TEX9: variants seen among roughly 807,000 people sequenced by gnomAD.
TEX9 encodes the protein testis expressed 9.
Under a neutral mutation model 59.6 loss-of-function variants are expected in TEX9, and 74 were observed. The ratio of observed to expected loss-of-function variants is 1.24; its 90% CI spans 1.03 to 1.51. The LOEUF is 1.51. Among genes scored for constraint, TEX9 ranks in the 40% most tolerant of loss-of-function variants. The probability of loss-of-function intolerance (pLI) is 0.00; values close to 1 mark genes in which losing one functional copy is unlikely to be tolerated. For synonymous variants in TEX9, 186 were observed against 152.2 expected (o/e 1.22, Z -1.64); for missense variants, 522 against 447.8 (o/e 1.17, Z -1.49).
At chr15:56,446,941 A>T (rs1199287113), downstream of TEX9, 3 of 1,604,268 alleles carry the variant, frequency 1.9e-6, no homozygotes, top group Admixed American at 5.0e-5. Flanking sequence ...TCTAAGCTCA[A>T]TGCTGTTTAA....
chr15:56,424,335 G>C (rs1024671480), intron 10 of TEX9, among the ~76,000 whole-genome samples: 1 of 152,078 alleles, frequency 6.6e-6, no homozygotes, highest in Non-Finnish European at 1.5e-5. Flanking sequence ...CAAAATTTCA[G>C]ATTATCTTTT....
At chr15:56,278,186 A>G (rs1567071277) in intron 1 of TEX9, among the ~76,000 whole-genome samples, 1 of 152,184 alleles carries the variant, frequency 6.6e-6, no homozygotes, top group Non-Finnish European at 1.5e-5. Context: ...TAATATCTAT[A>G]GCATTTGTGG....
chr15:56,400,220 G>A (rs1409478843), intron 9 of TEX9, among the ~76,000 whole-genome samples: 1 of 152,098 alleles, frequency 6.6e-6, no homozygotes, highest in Non-Finnish European at 1.5e-5. Context: ...CCAACACAAG[G>A]AAGCTAAAAA....
the TEX9 span, among the ~76,000 whole-genome samples, chr15:56,451,508 T>C: frequency 1.3e-5 from 2 of 152,212 alleles, no homozygotes; most frequent in African/African-American, 2.4e-5. Context: ...AGTCGGGGGA[T>C]GGGCTGGGAG....
chr15:56,317,143 A>G (rs1219061975), intron 1 of TEX9, among the ~76,000 whole-genome samples: 1 of 152,118 alleles, frequency 6.6e-6, no homozygotes, highest in African/African-American at 2.4e-5. Flanking sequence ...TGTAGACCGG[A>G]GCTGTTCCTA....
intron 2 of TEX9, 33 bp from the exon 3 acceptor site, chr15:56,373,407 TC>T: frequency 6.3e-7 from 1 of 1,577,062 alleles, no homozygotes; most frequent in Non-Finnish European, 8.6e-7. Context: ...TTTGTTAAGA[TC>T]TTCAGTATAT....
chr15:56,400,904 A>G (rs966310122), intron 9 of TEX9, among the ~76,000 whole-genome samples: 19 of 152,176 alleles, frequency 1.2e-4, no homozygotes, highest in African/African-American at 4.3e-4. Flanking sequence ...AATGAGAAAT[A>G]AAATCCTTTA....
rs751970915 is a variant in TEX9, at chr15:56,389,403, A to G, written c.395+3A>G. 3.1e-6 allele frequency: 5 copies of G among 1,587,840 alleles called. No homozygotes were observed. Among genetic ancestry groups the G allele is most frequent in the South Asian group, 1.1e-5 (1 of 89,816 alleles). ...AAAGGAAGGAAAACAAATTCAAGGT[A>G]TAGTATAGTTTTCAAAGTATTTCTT... On this transcript the variant is annotated splice_donor_region_variant and intron_variant, in intron 6 of 12. Coordinates refer to ENST00000352903, the Ensembl canonical transcript of TEX9.
chr15:56,317,021 C>G (rs564422998), intron 1 of TEX9, among the ~76,000 whole-genome samples: 2 of 152,304 alleles, frequency 1.3e-5, no homozygotes, highest in African/African-American at 4.8e-5. Context: ...GCGCAGGGTG[C>G]GCGCACCCAC....
chr15:56,343,344 T>C (rs1394030462), intron 1 of TEX9, among the ~76,000 whole-genome samples: 2 of 151,876 alleles, frequency 1.3e-5, no homozygotes, highest in Non-Finnish European at 2.9e-5. Flanking sequence ...ATAAGAAGAA[T>C]AGCAAATCAA....
chr15:56,440,085 T>C (rs1262164404), intron 12 of TEX9, among the ~76,000 whole-genome samples: 1 of 151,890 alleles, frequency 6.6e-6, no homozygotes, highest in African/African-American at 2.4e-5. Context: ...AACAACCCAA[T>C]TAGAGAATCA....
chr15:56,403,176 G>GA (rs1275002890), intron 9 of TEX9, among the ~76,000 whole-genome samples: 1 of 152,204 alleles, frequency 6.6e-6, no homozygotes, highest in African/African-American at 2.4e-5. Flanking sequence ...ATTCAATTAT[G>GA]AAAAGAGGAA....
chr15:56,406,048 C>G (rs1387421166), intron 9 of TEX9, among the ~76,000 whole-genome samples: 3 of 152,088 alleles, frequency 2.0e-5, no homozygotes, highest in African/African-American at 7.2e-5. Flanking sequence ...CTACCATAAT[C>G]AAGATAATGA....
intron 2 of TEX9, among the ~76,000 whole-genome samples, chr15:56,366,992 G>C (rs551529473): frequency 6.6e-6 from 1 of 152,012 alleles, no homozygotes; most frequent in African/African-American, 2.4e-5. Context: ...CAATCAAAAC[G>C]GTTATTTTCA....
intron 1 of TEX9, among the ~76,000 whole-genome samples, chr15:56,280,464 G>A (rs2044788536): frequency 6.6e-6 from 1 of 152,116 alleles, no homozygotes; most frequent in African/African-American, 2.4e-5. Flanking sequence ...TCTACCCGAA[G>A]GCAAAGATTG....
downstream of TEX9, chr15:56,446,874 A>C (rs1048797633): frequency 3.1e-6 from 5 of 1,610,684 alleles, no homozygotes; most frequent in African/African-American, 4.0e-5. Context: ...CCTTTTCAGC[A>C]ATCTGAGCTG....
At chr15:56,431,929 G>A (rs1231986480) in intron 12 of TEX9, among the ~76,000 whole-genome samples, 3 of 151,990 alleles carry the variant, frequency 2.0e-5, no homozygotes, top group Middle Eastern at 3.4e-3. Flanking sequence ...ATGATATGAA[G>A]CATGAGAATT....
chr15:56,283,287 A>C (rs192818534), intron 1 of TEX9, among the ~76,000 whole-genome samples: 26 of 152,280 alleles, frequency 1.7e-4, no homozygotes, highest in Admixed American at 6.5e-5. Flanking sequence ...TTTAAAACGC[A>C]TGCAATCAAT....
chr15:56,407,380 ATG>A (rs2049130304), intron 9 of TEX9, among the ~76,000 whole-genome samples: 1 of 152,094 alleles, frequency 6.6e-6, no homozygotes, highest in African/African-American at 2.4e-5. Context: ...AGTTTATTTA[ATG>A]GATACAAGTC....
Sources: gnomAD v4.1 joint callset for allele counts (sites outside exome capture counted in the v4.1 genomes callset) on GRCh38, gnomAD v4.1.1 for gene constraint, MANE v1.5 for transcripts, NCBI Gene and HGNC (gene_info 2026-07-23, HGNC 2026-07-21) for gene names.